Variants in TMEM41B observed in about 807,000 individuals in gnomAD.
TMEM41B encodes the protein protein stasimon.
In TMEM41B, 18 loss-of-function variants were observed where a neutral mutation model predicts 31.9. The observed-to-expected ratio is 0.56, with a 90% CI of 0.39 to 0.84. TMEM41B has a LOEUF of 0.84. Among genes scored for constraint, TMEM41B ranks in the 40% least tolerant of loss-of-function variants. TMEM41B has a pLI of 0.00. For missense variants in TMEM41B, 322 were observed against 348.0 expected (o/e 0.93, Z 0.59); for synonymous variants, 144 against 124.3 (o/e 1.16, Z -1.05).
rs1853191896 is a variant in TMEM41B, at chr11:9,299,461, A to C, written c.239+123T>G. ...TGGTCTCGCACTCCTGGACTCAACC[A>C]ATCCACCCACCTCGGCCTCCCAAAG... On this transcript the variant is annotated intron_variant, in intron 2 of 6. Coordinates refer to ENST00000528080, the MANE Select transcript of TMEM41B (RefSeq NM_015012.4). 1.2e-5 allele frequency: 8 copies of C among 665,850 alleles called. No homozygotes were observed. In the East Asian group the frequency reaches 2.2e-4, roughly 18 times the overall value. The allele number at this position is 665,850 out of a possible 1,614,324, so 41.2% of individuals were successfully genotyped here. A position where few individuals can be genotyped will look rare whatever the true frequency, so the allele number is the denominator to read the frequency against.
At chr11:9,305,849 CAG>C (rs774995408) in intron 1 of TMEM41B, among the ~76,000 whole-genome samples, 11 of 151,874 alleles carry the variant, frequency 7.2e-5, no homozygotes, top group Non-Finnish European at 1.3e-4. Context: ...TTTTGGTAGA[CAG>C]AGTCTACCAA....
intron 3 of TMEM41B, among the ~76,000 whole-genome samples, chr11:9,291,363 CAG>C (rs1852955073): frequency 6.6e-6 from 1 of 151,644 alleles, no homozygotes; most frequent in Admixed American, 6.6e-5. Flanking sequence ...GCCTGGGAAA[CAG>C]AGTGAGACTC....
In TMEM41B at chr11:9,281,264, C is replaced by T. The variant is rs1852712692; in HGVS notation, c.*2160G>A. 1 of 152,046 alleles carries T rather than the reference C, an allele frequency of 6.6e-6. No individual in the cohort carries two copies. The highest frequency in any genetic ancestry group is 6.6e-5 in the Admixed American group (1 of 15,252). The allele number at this position is 152,046 out of a possible 1,614,324, so 9.4% of individuals were successfully genotyped here. A position where few individuals can be genotyped will look rare whatever the true frequency, so the allele number is the denominator to read the frequency against. ...TATTTAGTGAATTTGTCCAAAAAGG[C>T]TATGTTTAATTTATGTGTAAAAATA... On this transcript the variant is annotated 3_prime_UTR_variant, in exon 7 of 7. Coordinates refer to ENST00000528080, the MANE Select transcript of TMEM41B (RefSeq NM_015012.4).
intron 3 of TMEM41B, among the ~76,000 whole-genome samples, chr11:9,294,526 T>C (rs963207250): frequency 2.0e-4 from 31 of 151,354 alleles, no homozygotes; most frequent in African/African-American, 7.3e-4. Flanking sequence ...AAAGGATGAT[T>C]ACTTTTACAA....
At chr11:9,292,993 T>C (rs1024667969) in intron 3 of TMEM41B, among the ~76,000 whole-genome samples, 2 of 152,178 alleles carry the variant, frequency 1.3e-5, no homozygotes, top group Non-Finnish European at 2.9e-5. Context: ...CTATTCTCTT[T>C]TTTCATTTTG....
intron 2 of TMEM41B, among the ~76,000 whole-genome samples, chr11:9,295,962 G>C (rs549903116): frequency 6.6e-6 from 1 of 151,720 alleles, no homozygotes. Flanking sequence ...ATTCAGGTGA[G>C]TTTCCTGCCT....
In TMEM41B at chr11:9,283,173, G is replaced by A. The variant is rs1852760423; in HGVS notation, c.*251C>T. 2 of 293,202 alleles carry A rather than the reference G, an allele frequency of 6.8e-6. No individual in the cohort carries two copies. The highest frequency in any genetic ancestry group is 1.2e-5 in the Non-Finnish European group (2 of 161,432). 18.2% of individuals were successfully genotyped at this position (293,202 alleles called of 1,614,324 possible). On this transcript the variant is annotated 3_prime_UTR_variant, in exon 7 of 7. Coordinates refer to ENST00000528080, the MANE Select transcript of TMEM41B (RefSeq NM_015012.4). ...CTACTATTATCTACAGCTACCCTTG[G>A]TATAATAATTTATAAGATGTCTAAG...
Position 9,288,442 on chromosome 11 carries a change from C to A in TMEM41B, c.462G>T (p.Leu154Phe). The change falls in exon 4 of 7, where the codon TTG (leucine) becomes TTT (phenylalanine). Residue 154 changes from leucine to phenylalanine, a missense_variant and splice_region_variant. Transcript: ENST00000528080. ...PFPLALFLVCLCSGLGASFCY... is the reference protein window; with the variant it reads ...PFPLALFLVCFCSGLGASFCY... ...CCCAATTTTATTTTTTCATACTTAC[C>A]AAACAAACAAGAAATAAGGCTAGTG... The A allele has an allele frequency of 6.4e-7, 1 of 1,564,896 alleles. No homozygotes were observed. The highest frequency in any genetic ancestry group is 8.6e-7 in the Non-Finnish European group (1 of 1,159,542).
chr11:9,299,309 AG>A (rs1853183056), intron 2 of TMEM41B, among the ~76,000 whole-genome samples: 1 of 32,464 alleles, frequency 3.1e-5, no homozygotes, highest in Non-Finnish European at 6.9e-5. Flanking sequence ...AAAAAAAGAA[AG>A]TATATATACA....
intron 4 of TMEM41B, 104 bp from the exon 5 acceptor site, chr11:9,287,910 T>C: frequency 1.2e-6 from 1 of 830,536 alleles, no homozygotes; most frequent in Non-Finnish European, 1.9e-6. Flanking sequence ...CTTTCAGAGG[T>C]GGGGAGGGTA....
rs1465586891 is a variant in TMEM41B at position 9,299,725 on chromosome 11, T to C, written c.122-24A>G. The C allele has an allele frequency of 4.1e-6, 6 of 1,471,844 alleles. No individual in the cohort carries two copies. In the African/African-American group the frequency reaches 7.0e-5, roughly 17 times the overall value. The allele number at this position is 1,471,844 out of a possible 1,614,324, so 91.2% of individuals were successfully genotyped here. On this transcript the variant is annotated intron_variant, in intron 1 of 6. Transcript: ENST00000528080. ...TTCTGGAAGAAAAAAGAAAGTATAATTAAGATAAATATAAAGGAAGACATG... is the reference window on the plus strand; with the variant it reads ...TTCTGGAAGAAAAAAGAAAGTATAACTAAGATAAATATAAAGGAAGACATG...
At chr11:9,284,160 T>TC (rs1377662057) in intron 6 of TMEM41B, among the ~76,000 whole-genome samples, 2 of 151,422 alleles carry the variant, frequency 1.3e-5, no homozygotes, top group Non-Finnish European at 2.9e-5. Context: ...TTTTGTTTTC[T>TC]CCCCCCGAGA....
intron 1 of TMEM41B, among the ~76,000 whole-genome samples, chr11:9,304,391 A>C (rs767690407): frequency 3.3e-5 from 5 of 152,182 alleles, no homozygotes; most frequent in Non-Finnish European, 5.9e-5. Context: ...TAATCAGCAA[A>C]AAGCAAAAAC....
intron 1 of TMEM41B, among the ~76,000 whole-genome samples, chr11:9,303,802 G>A (rs1853315498): frequency 6.6e-6 from 1 of 151,402 alleles, no homozygotes; most frequent in African/African-American, 2.4e-5. Context: ...GGAGTAGCTG[G>A]GATTACAGGC....
intron 6 of TMEM41B, among the ~76,000 whole-genome samples, chr11:9,284,748 G>C (rs1297953566): frequency 7.1e-6 from 1 of 141,366 alleles, no homozygotes; most frequent in Non-Finnish European, 1.5e-5. Context: ...GGGCGACAGA[G>C]AGAGAATCTG....
intron 3 of TMEM41B, among the ~76,000 whole-genome samples, chr11:9,292,194 T>C (rs917039825): frequency 1.3e-5 from 2 of 152,170 alleles, no homozygotes; most frequent in African/African-American, 4.8e-5. Flanking sequence ...ACCAGATCAT[T>C]TGTAGAATTT....
At chr11:9,292,089 C>A (rs771303051) in intron 3 of TMEM41B, among the ~76,000 whole-genome samples, 11 of 152,214 alleles carry the variant, frequency 7.2e-5, no homozygotes, top group Non-Finnish European at 1.5e-4. Flanking sequence ...AAAGACTAGT[C>A]TGATCAGAAT....
intron 6 of TMEM41B, 148 bp downstream of exon 6, chr11:9,286,307 C>T (rs1323113898): frequency 1.4e-6 from 1 of 727,010 alleles, no homozygotes; most frequent in Non-Finnish European, 2.2e-6. Flanking sequence ...CACTTCTGAG[C>T]ATCTATTTAT....
At chr11:9,285,285 A>G in intron 6 of TMEM41B, among the ~76,000 whole-genome samples, 1 of 152,020 alleles carries the variant, frequency 6.6e-6, no homozygotes, top group East Asian at 1.9e-4. Flanking sequence ...GGGTTTTACC[A>G]TATTGGCCAG....
Sources: gnomAD v4.1 joint callset for allele counts (sites outside exome capture counted in the v4.1 genomes callset) on GRCh38, gnomAD v4.1.1 for gene constraint, MANE v1.5 for transcripts, NCBI Gene and HGNC (gene_info 2026-07-23, HGNC 2026-07-21) for gene names.